Variants in IL1RAPL2 observed in about 807,000 individuals in gnomAD.
The protein encoded by IL1RAPL2 is X-linked interleukin-1 receptor accessory protein-like 2.
IL1RAPL2 carries 3 observed loss-of-function variants against 44.1 expected under a neutral mutation model. That is an observed-to-expected ratio of 0.07 (90% CI 0.03 to 0.18). IL1RAPL2 has a LOEUF of 0.18. IL1RAPL2 is among the 10% of genes least tolerant of loss of function. The probability of loss-of-function intolerance (pLI) is 1.00; values close to 1 mark genes in which losing one functional copy is unlikely to be tolerated. For synonymous variants in IL1RAPL2, 181 were observed against 178.8 expected, an observed-to-expected ratio of 1.01 and a Z score of -0.10; for missense variants, 391 against 496.4, an observed-to-expected ratio of 0.79 and a Z score of 2.02.
intron 3 of IL1RAPL2, among the ~76,000 whole-genome samples, chrX:105,225,962 G>GC (rs2034010311): frequency 9.0e-6 from 1 of 111,568 alleles, no homozygotes; most frequent in Admixed American, 9.6e-5. Context: ...ACAGGCGTGA[G>GC]CCCCCGTGCC....
intron 2 of IL1RAPL2, among the ~76,000 whole-genome samples, chrX:104,839,997 A>AT (rs1421277699): frequency 1.8e-5 from 2 of 109,856 alleles, no homozygotes; most frequent in Non-Finnish European, 3.8e-5. Context: ...TATTTTGTTA[A>AT]TTTTTTCTAA....
chrX:104,689,193 T>C (rs1931045268), intron 2 of IL1RAPL2, among the ~76,000 whole-genome samples: 1 of 112,436 alleles, frequency 8.9e-6, no homozygotes, highest in Non-Finnish European at 1.9e-5. Context: ...TTGTTACTTA[T>C]GTAACACATT....
intron 5 of IL1RAPL2, among the ~76,000 whole-genome samples, chrX:105,446,738 T>G (rs757227536): frequency 8.0e-4 from 88 of 109,816 alleles, no homozygotes; most frequent in Admixed American, 1.3e-3. Context: ...TATGTCTTAT[T>G]GTTCTATATA....
At chrX:105,046,923 C>T (rs962090104) in intron 2 of IL1RAPL2, among the ~76,000 whole-genome samples, 1 of 108,082 alleles carries the variant, frequency 9.3e-6, no homozygotes, top group African/African-American at 3.4e-5. Context: ...CGCCTTCCTC[C>T]CATTTGGCAG....
At chrX:105,576,262 T>C (rs2147812442) in intron 6 of IL1RAPL2, among the ~76,000 whole-genome samples, 1 of 111,042 alleles carries the variant, frequency 9.0e-6, no homozygotes, top group South Asian at 3.8e-4. Flanking sequence ...ATTGTGTAGG[T>C]TGTCTTCTAG....
rs779823091 is a variant in IL1RAPL2 at position 104,603,649 on chromosome X, G to A, written c.-20+36598G>A. Among the ~76,000 whole-genome samples, 176 of 111,634 alleles carry A rather than the reference G, an allele frequency of 1.6e-3. 2 individuals are homozygous for A. Among genetic ancestry groups the A allele is most frequent in the African/African-American group, 5.2e-3 (160 of 30,733 alleles). ...CTGAAAAACACAGCAAGAGAACTTC[G>A]TGAAACATACACAAGCTTCAATAGC... On this transcript the variant is annotated intron_variant, in intron 1 of 10. Coordinates refer to ENST00000372582, the MANE Select transcript of IL1RAPL2 (RefSeq NM_017416.2).
At chrX:104,899,353 A>T (rs1163813315) in intron 2 of IL1RAPL2, among the ~76,000 whole-genome samples, 1 of 111,928 alleles carries the variant, frequency 8.9e-6, no homozygotes, top group Non-Finnish European at 1.9e-5. Flanking sequence ...TTTTTATTTG[A>T]ATATCATTAC....
intron 6 of IL1RAPL2, among the ~76,000 whole-genome samples, chrX:105,595,110 A>G (rs1368108326): frequency 8.9e-6 from 1 of 112,062 alleles, no homozygotes; most frequent in Non-Finnish European, 1.9e-5. Context: ...TAACAATAGC[A>G]CAGAGTTTTT....
intron 2 of IL1RAPL2, among the ~76,000 whole-genome samples, chrX:104,996,921 C>T (rs765811100): frequency 2.7e-5 from 3 of 111,042 alleles, no homozygotes; most frequent in South Asian, 3.8e-4. Context: ...AACCAACATC[C>T]CAGGAAGATG....
chrX:105,679,884 T>C (rs1206255703), intron 6 of IL1RAPL2, among the ~76,000 whole-genome samples: 1 of 112,275 alleles, frequency 8.9e-6, no homozygotes, highest in Non-Finnish European at 1.9e-5. Flanking sequence ...TTTTGATGGA[T>C]GTTTTCATAA....
chrX:105,732,459 C>T (rs771761052), intron 7 of IL1RAPL2, among the ~76,000 whole-genome samples: 1 of 109,714 alleles, frequency 9.1e-6, no homozygotes, highest in South Asian at 4.0e-4. Context: ...GTAGTGTGCA[C>T]CTCCCCACCC....
intron 5 of IL1RAPL2, among the ~76,000 whole-genome samples, chrX:105,300,957 A>C (rs1191389632): frequency 8.9e-6 from 1 of 112,079 alleles, no homozygotes; most frequent in African/African-American, 3.2e-5. Context: ...AGTCAGAGAA[A>C]TGGAATAAAA....
intron 1 of IL1RAPL2, among the ~76,000 whole-genome samples, chrX:104,585,322 A>ATATATTATATTT (rs1347233369): frequency 4.8e-5 from 1 of 21,015 alleles, no homozygotes; most frequent in Non-Finnish European, 6.7e-5. Context: ...AATATATATT[A>ATATATTATATTT]TATATAATAT....
chrX:104,834,608 G>T lies in IL1RAPL2; in HGVS notation c.82+175613G>T, dbSNP rs745598244. On this transcript the variant is annotated intron_variant, in intron 2 of 10. Transcript: ENST00000372582. ...GTTGCTATTCTCATTCATAGCCTCT[G>T]ATATAAACATTCACAAAGACTTGTT... 8.9e-5 allele frequency among the ~76,000 whole-genome samples: 10 copies of T among 112,157 alleles called. No homozygotes were observed. The South Asian group carries it at 3.4e-3, about 38-fold the overall frequency.
chrX:104,689,220 A>G (rs764175409), intron 2 of IL1RAPL2, among the ~76,000 whole-genome samples: 1 of 112,221 alleles, frequency 8.9e-6, no homozygotes, highest in Non-Finnish European at 1.9e-5. Flanking sequence ...GCTACCAAGC[A>G]GGATTACAAG....
chrX:104,648,395 A>T (rs1221594610), intron 1 of IL1RAPL2, among the ~76,000 whole-genome samples: 1 of 112,620 alleles, frequency 8.9e-6, no homozygotes, highest in Non-Finnish European at 1.9e-5. Flanking sequence ...AGATTCATAC[A>T]AAAGCAATTC....
At position 104,786,603 on chromosome X, in the gene IL1RAPL2, T is replaced by C. The variant is rs151172115; in HGVS notation, c.82+127608T>C. ...CTTAACAACTTAACCCCTTCTGGAC[T>C]AGTACTCTTTATAAAGATAATCACT... On this transcript the variant is annotated intron_variant, in intron 2 of 10. Coordinates refer to ENST00000372582, the MANE Select transcript of IL1RAPL2 (RefSeq NM_017416.2). 6.4e-3 allele frequency among the ~76,000 whole-genome samples: 714 copies of C among 111,546 alleles called. 3 individuals are homozygous for C. Among genetic ancestry groups the C allele is most frequent in the African/African-American group, 0.022 (680 of 30,708 alleles).
chrX:105,366,046 C>A (rs2035292229), intron 5 of IL1RAPL2, among the ~76,000 whole-genome samples: 1 of 110,846 alleles, frequency 9.0e-6, no homozygotes, highest in Non-Finnish European at 1.9e-5. Flanking sequence ...CTCCTGGGTT[C>A]AAGCAATCCG....
chrX:104,676,099 A>G (rs1190695458), intron 2 of IL1RAPL2, among the ~76,000 whole-genome samples: 1 of 109,062 alleles, frequency 9.2e-6, no homozygotes, highest in Non-Finnish European at 1.9e-5. Flanking sequence ...GTCCATTTAC[A>G]TTTAAAGTTA....
Sources: allele counts gnomAD v4.1 joint callset (sites outside exome capture counted in the v4.1 genomes callset), GRCh38; gene constraint gnomAD v4.1.1; transcripts MANE v1.5; gene names NCBI Gene and HGNC (gene_info 2026-07-23, HGNC 2026-07-21).